Variants in ZBTB7C observed in about 807,000 individuals in gnomAD.
ZBTB7C encodes zinc finger and BTB domain-containing protein 7C.
A neutral mutation model predicts 25.7 loss-of-function variants in ZBTB7C; 8 were observed. The ratio of observed to expected loss-of-function variants is 0.31; its 90% CI spans 0.18 to 0.56. ZBTB7C has a LOEUF of 0.56. ZBTB7C is among the 20% of genes least tolerant of loss of function. The pLI, the probability that ZBTB7C is intolerant of heterozygous loss-of-function variation, is 0.91. For synonymous variants in ZBTB7C, 394 were observed against 369.0 expected (o/e 1.07, Z -0.78); for missense variants, 824 against 855.2 (o/e 0.96, Z 0.46).
intron 2 of ZBTB7C, among the ~76,000 whole-genome samples, chr18:48,220,424 G>GT (rs1384890978): frequency 6.6e-6 from 1 of 152,184 alleles, no homozygotes; most frequent in Non-Finnish European, 1.5e-5. Flanking sequence ...AGATGCCAGG[G>GT]GAGTAAGGCT....
At chr18:48,031,007 T>C (rs1420857837) in intron 4 of ZBTB7C, among the ~76,000 whole-genome samples, 1 of 152,204 alleles carries the variant, frequency 6.6e-6, no homozygotes, top group Admixed American at 6.5e-5. Context: ...TCTAGTCTCC[T>C]ACTTCCTCCC....
In ZBTB7C at chr18:48,029,005, A is replaced by C; in HGVS notation, c.*255T>G. ...GTGGCATGGGCCGGTGCAAGTTTCT[A>C]TATGAGAGCCAGAGAGACAGGGAGG... is the stretch of plus-strand genomic sequence containing the variant. On this transcript the variant is annotated 3_prime_UTR_variant, in exon 5 of 5. Coordinates refer to ENST00000590800, the MANE Select transcript of ZBTB7C (RefSeq NM_001318841.2). 2 of 493,760 alleles carry C rather than the reference A, an allele frequency of 4.1e-6. No individual in the cohort carries two copies. Among genetic ancestry groups the C allele is most frequent in the Non-Finnish European group, 3.5e-6 (1 of 289,670 alleles). 30.6% of individuals were successfully genotyped at this position (493,760 alleles called of 1,614,324 possible).
intron 2 of ZBTB7C, among the ~76,000 whole-genome samples, chr18:48,337,606 C>A (rs1198635129): frequency 6.6e-6 from 1 of 152,232 alleles, no homozygotes; most frequent in African/African-American, 2.4e-5. Flanking sequence ...CACCTTTGAT[C>A]ATCTGCTAAT....
At chr18:48,098,723 A>G (rs1598875269) in intron 3 of ZBTB7C, among the ~76,000 whole-genome samples, 1 of 152,196 alleles carries the variant, frequency 6.6e-6, no homozygotes, top group Admixed American at 6.5e-5. Flanking sequence ...TTCTCTGATT[A>G]CAGGGATTGG....
chr18:48,228,329 T>C (rs1449091290), intron 2 of ZBTB7C, among the ~76,000 whole-genome samples: 2 of 152,170 alleles, frequency 1.3e-5, no homozygotes, highest in African/African-American at 4.8e-5. Context: ...ATGATTTTGT[T>C]AAGGGTGAGC....
rs182786831 is a variant in ZBTB7C at position 48,047,531 on chromosome 18, C to A, written c.-16-6408G>T. Among the ~76,000 whole-genome samples, 7 of 152,242 alleles carry A rather than the reference C, an allele frequency of 4.6e-5. No individual in the cohort carries two copies. The East Asian group carries it at 1.4e-3, about 29-fold the overall frequency. On this transcript the variant is annotated intron_variant, in intron 3 of 4. Transcript: ENST00000590800. Reference sequence around the variant, plus strand: ...GAAAGAGGTTAAAGAAGAATGCAGGCGGGTTGAAACCTTCTTAGATGTGGC... The same window carrying A: ...GAAAGAGGTTAAAGAAGAATGCAGGAGGGTTGAAACCTTCTTAGATGTGGC...
At chr18:48,175,576 T>A (rs2041644672) in intron 3 of ZBTB7C, among the ~76,000 whole-genome samples, 1 of 152,148 alleles carries the variant, frequency 6.6e-6, no homozygotes, top group Admixed American at 6.5e-5. Context: ...TAGTGTTTTG[T>A]CCCCTGAAAG....
At chr18:48,229,197 C>A (rs2043186795) in intron 2 of ZBTB7C, among the ~76,000 whole-genome samples, 1 of 152,166 alleles carries the variant, frequency 6.6e-6, no homozygotes, top group African/African-American at 2.4e-5. Flanking sequence ...TGTGTGCCAC[C>A]AGCCTTCCTG....
In ZBTB7C at chr18:48,395,813, A is replaced by G. The variant is rs148871268; in HGVS notation, c.-304+13413T>C. Reference sequence around the variant, plus strand: ...GGGAAGTGCAATCCAGAATCTGAGAAGAAGTAAAAAATTCTCAAACTAGAA... The same window carrying G: ...GGGAAGTGCAATCCAGAATCTGAGAGGAAGTAAAAAATTCTCAAACTAGAA... On this transcript the variant is annotated intron_variant, in intron 1 of 4. Transcript: ENST00000590800. Among the ~76,000 whole-genome samples, 771 of 152,354 alleles carry G rather than the reference A, an allele frequency of 5.1e-3. 4 individuals carry two copies. Among genetic ancestry groups the G allele is most frequent in the African/African-American group, 0.018 (728 of 41,568 alleles).
chr18:48,064,028 T>C (rs2037226271), intron 3 of ZBTB7C, among the ~76,000 whole-genome samples: 1 of 152,188 alleles, frequency 6.6e-6, no homozygotes, highest in Non-Finnish European at 1.5e-5. Context: ...GTTGTATAAT[T>C]ATATTGGAAA....
intron 2 of ZBTB7C, among the ~76,000 whole-genome samples, chr18:48,197,951 CAT>C (rs1440399733): frequency 8.5e-5 from 13 of 152,282 alleles, no homozygotes; most frequent in Middle Eastern, 3.4e-3. Context: ...CCTCTAACCA[CAT>C]GTTTCTGTTC....
chr18:48,404,647 G>C (rs1251655268), intron 1 of ZBTB7C, among the ~76,000 whole-genome samples: 1 of 152,100 alleles, frequency 6.6e-6, no homozygotes, highest in African/African-American at 2.4e-5. Context: ...CAATCAACTT[G>C]GCCCCAGGGT....
chr18:48,326,414 A>T lies in ZBTB7C; in HGVS notation c.-79+11760T>A, dbSNP rs563315460. The stretch of plus-strand genomic sequence containing the variant: ...CCCGGCCTCTACCTTCTTCTAAAAA[A>T]GATTTGGGGTGGTCTGTAATTAAAC... On this transcript the variant is annotated intron_variant, in intron 2 of 4. Coordinates refer to ENST00000590800, the MANE Select transcript of ZBTB7C (RefSeq NM_001318841.2). Among the ~76,000 whole-genome samples, 5 of 152,330 alleles carry T rather than the reference A, an allele frequency of 3.3e-5. No homozygotes were observed. The South Asian group carries it at 1.0e-3, about 32-fold the overall frequency.
chr18:48,029,246 C>T lies in ZBTB7C; in HGVS notation c.*14G>A, dbSNP rs375493554. 2.3e-4 allele frequency: 359 copies of T among 1,531,176 alleles called. No individual in the cohort carries two copies. The African/African-American group carries it at 4.4e-3, about 19-fold the overall frequency. The allele number at this position is 1,531,176 out of a possible 1,614,324, so 94.8% of individuals were successfully genotyped here. On this transcript the variant is annotated 3_prime_UTR_variant, in exon 5 of 5. Coordinates refer to ENST00000590800, the MANE Select transcript of ZBTB7C (RefSeq NM_001318841.2). ...GACTGGAGGGCTGGTGGGCTGGAGC[C>T]GACAGGGACCAGCCTAGTTGTTGGC...
chr18:48,225,468 G>C (rs1033604762), intron 2 of ZBTB7C, among the ~76,000 whole-genome samples: 3 of 152,180 alleles, frequency 2.0e-5, no homozygotes, highest in South Asian at 2.1e-4. Context: ...AAGGAAAGCA[G>C]CTCTGCTTTC....
At chr18:48,246,718 T>C (rs1237300978) in intron 2 of ZBTB7C, among the ~76,000 whole-genome samples, 2 of 152,092 alleles carry the variant, frequency 1.3e-5, no homozygotes, top group Non-Finnish European at 2.9e-5. Context: ...AAACTAAAAC[T>C]TAAAAGGATG....
intron 2 of ZBTB7C, among the ~76,000 whole-genome samples, chr18:48,326,646 G>A (rs762268043): frequency 3.3e-5 from 5 of 152,172 alleles, no homozygotes; most frequent in Admixed American, 1.3e-4. Flanking sequence ...TAATATGGAG[G>A]TATTTCCAAG....
At chr18:48,313,847 G>A (rs758875075) in intron 2 of ZBTB7C, among the ~76,000 whole-genome samples, 7 of 152,158 alleles carry the variant, frequency 4.6e-5, no homozygotes, top group Non-Finnish European at 8.8e-5. Context: ...GGTAGGGCCC[G>A]GTGGGAGGTA....
chr18:48,238,456 A>G (rs2043437307), intron 2 of ZBTB7C, among the ~76,000 whole-genome samples: 1 of 152,220 alleles, frequency 6.6e-6, no homozygotes, highest in African/African-American at 2.4e-5. Context: ...CCAAAAACTG[A>G]GTGCCCAAAG....
Sources: gnomAD v4.1 joint callset for allele counts (sites outside exome capture counted in the v4.1 genomes callset) on GRCh38, gnomAD v4.1.1 for gene constraint, MANE v1.5 for transcripts, NCBI Gene and HGNC (gene_info 2026-07-23, HGNC 2026-07-21) for gene names.